KIAA1586: variants seen among roughly 807,000 people sequenced by gnomAD.
KIAA1586 encodes KIAA1586.
KIAA1586 carries 5 observed loss-of-function variants against 6.1 expected under a neutral mutation model. The ratio of observed to expected loss-of-function variants is 0.82; its 90% CI spans 0.43 to 1.73. KIAA1586 has a LOEUF of 1.73. KIAA1586 is among the 40% of genes most tolerant of loss of function. The probability of loss-of-function intolerance (pLI) is 0.02; values close to 1 mark genes in which losing one functional copy is unlikely to be tolerated. For synonymous variants in KIAA1586, 280 were observed against 301.7 expected (o/e 0.93, Z 0.75); for missense variants, 899 against 878.2 (o/e 1.02, Z -0.30).
chr6:57,054,250 C>A lies in KIAA1586; in HGVS notation c.1751C>A (p.Ser584Ter). ...TCTCAAATTGAAGATTTGATCAAGT[C>A]AGATAAGTTTAAAGATATTCCATTT... ...YESQIEDLIK[S>*]DKFKDIPFNK... is the part of the protein sequence containing the mutation. The change falls in exon 4 of 4, where the codon TCA becomes TAA. Residue 584 changes from serine to a stop codon, truncating the protein, a stop_gained. Coordinates refer to ENST00000370733, the MANE Select transcript of KIAA1586 (RefSeq NM_020931.4). LOFTEE classifies it low-confidence loss of function (END_TRUNC). 1.3e-6 allele frequency: 2 copies of A among 1,592,960 alleles called. No individual in the cohort carries two copies. The highest frequency in any genetic ancestry group is 2.3e-5 in the South Asian group (2 of 88,178).
At chr6:57,059,588 G>GAAAA (rs36057059), downstream of KIAA1586, among the ~76,000 whole-genome samples, 18 of 141,678 alleles carry the variant, frequency 1.3e-4, 1 homozygote, top group Non-Finnish European at 1.5e-5. Context: ...GACTCTGTCT[G>GAAAA]AAAAAAAAAA....
intron 3 of KIAA1586, among the ~76,000 whole-genome samples, chr6:57,051,852 TA>T (rs1312216381): frequency 6.6e-6 from 1 of 152,172 alleles, no homozygotes; most frequent in Non-Finnish European, 1.5e-5. Flanking sequence ...CACGTGCCTG[TA>T]ATTTCAGCTA....
At chr6:57,065,871 C>G in the KIAA1586 span, among the ~76,000 whole-genome samples, 3 of 152,136 alleles carry the variant, frequency 2.0e-5, no homozygotes, top group Non-Finnish European at 4.4e-5. Flanking sequence ...CAGTTGTGGA[C>G]TGAATACATG....
the KIAA1586 span, among the ~76,000 whole-genome samples, chr6:57,061,642 A>G: frequency 1.2e-4 from 19 of 152,070 alleles, no homozygotes; most frequent in East Asian, 3.7e-3. Context: ...ATCCTGCCTC[A>G]GCCTCCCAAA....
In KIAA1586 at chr6:57,053,160, G is replaced by C. The variant is rs1394702478; in HGVS notation, c.661G>C (p.Asp221His). Residue 221 changes from aspartate (D) to histidine (H), a missense_variant, in exon 4 of 4, where the codon GAT becomes CAT. Physicochemically the swap from Asp to His is moderately conservative, Grantham distance 81 (BLOSUM62 -1). Coordinates refer to ENST00000370733, the MANE Select transcript of KIAA1586 (RefSeq NM_020931.4). ...DVSKAHGKIQ[D>H]LLKESTNDSI... ...TTCTAAAGCCCATGGTAAAATTCAGGATTTGTTAAAGGAATCAACTAATGA... is the reference window on the plus strand; with the variant it reads ...TTCTAAAGCCCATGGTAAAATTCAGCATTTGTTAAAGGAATCAACTAATGA... The C allele has an allele frequency of 7.5e-6, 12 of 1,610,156 alleles. No homozygotes were observed. Among genetic ancestry groups the C allele is most frequent in the Non-Finnish European group, 1.0e-5 (12 of 1,178,976 alleles).
downstream of KIAA1586, among the ~76,000 whole-genome samples, chr6:57,057,340 T>C (rs1160272713): frequency 6.6e-6 from 1 of 152,144 alleles, no homozygotes; most frequent in East Asian, 1.9e-4. Flanking sequence ...AAATCATAAG[T>C]ACATTTCTGT....
At chr6:57,048,786 C>T (rs947883334) in intron 2 of KIAA1586, among the ~76,000 whole-genome samples, 1 of 152,020 alleles carries the variant, frequency 6.6e-6, no homozygotes, top group Admixed American at 6.6e-5. Flanking sequence ...ATCCATGTGC[C>T]ATTGAGAAAG....
intron 3 of KIAA1586, among the ~76,000 whole-genome samples, chr6:57,051,372 T>G (rs1249600865): frequency 6.6e-6 from 1 of 151,810 alleles, no homozygotes. Context: ...TCCTACTTAA[T>G]ACATCATTTC....
rs1410084896 is a variant in KIAA1586, at chr6:57,050,597, T to A, written c.106-177T>A. 2.0e-5 allele frequency among the ~76,000 whole-genome samples: 3 copies of A among 152,088 alleles called. 1 individual carries two copies. Among genetic ancestry groups the A allele is most frequent in the Admixed American group, 2.0e-4 (3 of 15,264 alleles). ...TCCCAGTGTGCTAGGATTACAGGTG[T>A]GAGCCACTGCTCCCAGCCCCTTTGC... On this transcript the variant is annotated intron_variant, in intron 2 of 3. Transcript: ENST00000370733.
chr6:57,050,306 C>CT (rs1054132837), intron 2 of KIAA1586, among the ~76,000 whole-genome samples: 1 of 146,430 alleles, frequency 6.8e-6, no homozygotes, highest in African/African-American at 2.5e-5. Flanking sequence ...TACTCTGACT[C>CT]TTTTCCCATG....
chr6:57,057,764 AAAAC>A (rs1828519235), downstream of KIAA1586, among the ~76,000 whole-genome samples: 1 of 152,132 alleles, frequency 6.6e-6, no homozygotes. Context: ...AAAAAAACAA[AAAAC>A]AAATTTATGC....
chr6:57,051,208 G>A (rs1013310247), intron 3 of KIAA1586, among the ~76,000 whole-genome samples: 1 of 149,454 alleles, frequency 6.7e-6, no homozygotes, highest in Non-Finnish European at 1.5e-5. Flanking sequence ...CTCTACCCTG[G>A]GCAACAGAGC....
chr6:57,046,732 G>A lies in KIAA1586; in HGVS notation c.-24G>A, dbSNP rs754689148. 4 of 1,612,408 alleles carry A rather than the reference G, an allele frequency of 2.5e-6. No individual in the cohort carries two copies. The highest frequency in any genetic ancestry group is 4.5e-5 in the East Asian group (2 of 44,826). ...CAGTAGGGACAGCAGGAGCAGTGGT[G>A]CTGTCAGCGCGGCCGTCGGAGACAT... On this transcript the variant is annotated 5_prime_UTR_variant, in exon 1 of 4. Coordinates refer to ENST00000370733, the MANE Select transcript of KIAA1586 (RefSeq NM_020931.4).
In KIAA1586 at chr6:57,054,230, A is replaced by C. The variant is rs750507420; in HGVS notation, c.1731A>C (p.Gln577His). The change falls in exon 4 of 4, where the codon CAA becomes CAC. Residue 577 changes from glutamine to histidine, a missense_variant. By Grantham distance (24) the Gln-to-His change is conservative (BLOSUM62 0). Transcript: ENST00000370733. The part of the protein sequence containing the change: ...LKIGTGKYES[Q>H]IEDLIKSDKF... ...TTGGTACTGGAAAGTATGAATCTCA[A>C]ATTGAAGATTTGATCAAGTCAGATA... The C allele has an allele frequency of 1.3e-6, 2 of 1,594,296 alleles. No homozygotes were observed. The highest frequency in any genetic ancestry group is 1.9e-5 in the Admixed American group (1 of 53,940).
At position 57,054,221 on chromosome 6, in the gene KIAA1586, T is replaced by G. The variant is rs561747291; in HGVS notation, c.1722T>G (p.Tyr574Ter). The G allele has an allele frequency of 2.5e-6, 4 of 1,594,412 alleles. 1 individual carries two copies. The South Asian group carries it at 4.5e-5, about 18-fold the overall frequency. Residue 574 changes from tyrosine to a stop codon, truncating the protein, a stop_gained, in exon 4 of 4, where the codon TAT (tyrosine) becomes TAG (stop). Transcript: ENST00000370733. LOFTEE classifies it low-confidence loss of function (END_TRUNC). ...LENLKIGTGKYESQIEDLIKS... is the reference protein window; with the variant it reads ...LENLKIGTGK Reference sequence around the variant, plus strand: ...ATTTAAAAATTGGTACTGGAAAGTATGAATCTCAAATTGAAGATTTGATCA... The same window carrying G: ...ATTTAAAAATTGGTACTGGAAAGTAGGAATCTCAAATTGAAGATTTGATCA...
chr6:57,054,534 A>G lies in KIAA1586; in HGVS notation c.2035A>G (p.Ile679Val), dbSNP rs567052118. The G allele has an allele frequency of 1.9e-5, 30 of 1,599,060 alleles. No individual in the cohort carries two copies. The Middle Eastern group carries it at 6.7e-4, about 35-fold the overall frequency. Residue 679 changes from isoleucine (I) to valine (V), a missense_variant, in exon 4 of 4, where the codon ATA (isoleucine) becomes GTA (valine). Transcript: ENST00000370733. ...NDFREFVNNNIKSNNVSIPTT... is the reference protein window; with the variant it reads ...NDFREFVNNNVKSNNVSIPTT... ...TTTTCGGGAATTTGTAAATAATAAT[A>G]TAAAATCAAACAATGTTTCAATTCC...
At chr6:57,065,500 T>C in the KIAA1586 span, among the ~76,000 whole-genome samples, 2 of 151,906 alleles carry the variant, frequency 1.3e-5, no homozygotes, top group Non-Finnish European at 1.5e-5. Context: ...TTGTTTTTTT[T>C]TTTTTTGAGT....
At position 57,054,603 on chromosome 6, in the gene KIAA1586, A is replaced by G. The variant is rs1014453718; in HGVS notation, c.2104A>G (p.Ile702Val). Reference protein sequence around the residue: ...KAKKIVSTIAINSAEAERGFN... With the variant: ...KAKKIVSTIAVNSAEAERGFN... ...TAAAAAGATAGTTAGCACCATTGCA[A>G]TCAATAGTGCTGAAGCTGAAAGGGG... Residue 702 changes from isoleucine (I) to valine (V), a missense_variant, in exon 4 of 4, where the codon ATC (isoleucine) becomes GTC (valine). Ile to Val is a conservative substitution (Grantham distance 29). Coordinates refer to ENST00000370733, the MANE Select transcript of KIAA1586 (RefSeq NM_020931.4). 7.5e-6 allele frequency: 12 copies of G among 1,604,818 alleles called. No homozygotes were observed. Among genetic ancestry groups the G allele is most frequent in the East Asian group, 2.2e-5 (1 of 44,692 alleles).
chr6:57,050,056 C>T (rs1472602268), intron 2 of KIAA1586, among the ~76,000 whole-genome samples: 3 of 151,842 alleles, frequency 2.0e-5, no homozygotes, highest in Non-Finnish European at 4.4e-5. Flanking sequence ...GTTGCCCAGG[C>T]TGGACTTGAA....
Sources: gnomAD v4.1 joint callset for allele counts (sites outside exome capture counted in the v4.1 genomes callset) on GRCh38, gnomAD v4.1.1 for gene constraint, MANE v1.5 for transcripts, NCBI Gene and HGNC (gene_info 2026-07-23, HGNC 2026-07-21) for gene names.